Variants in DPP6 observed in about 807,000 individuals in gnomAD.
DPP6 encodes dipeptidyl peptidase like 6, also known as A-type potassium channel modulatory protein DPP6.
In DPP6, 69 loss-of-function variants were observed where a neutral mutation model predicts 122.6. That is an observed-to-expected ratio of 0.56 (90% CI 0.46 to 0.69). DPP6 has a LOEUF of 0.69. Ranked by LOEUF, DPP6 falls within the 30% of genes least tolerant of loss-of-function variation. The pLI is 0.00. For missense variants in DPP6, 928 were observed against 1,116.9 expected (o/e 0.83, Z 2.41); for synonymous variants, 418 against 433.1 (o/e 0.97, Z 0.43).
At chr7:154,126,021 A>T (rs540578219) in intron 1 of DPP6, among the ~76,000 whole-genome samples, 86 of 152,278 alleles carry the variant, frequency 5.6e-4, no homozygotes, top group African/African-American at 1.9e-3. Flanking sequence ...TCAATTCTTG[A>T]TTCCATTCAT....
intron 17 of DPP6, among the ~76,000 whole-genome samples, chr7:154,854,160 C>A (rs1175771923): frequency 6.6e-6 from 1 of 152,322 alleles, no homozygotes; most frequent in Admixed American, 6.5e-5. Context: ...CACTGAGAAC[C>A]TGCCATGTGG....
the DPP6 span, among the ~76,000 whole-genome samples, chr7:153,858,471 C>A: frequency 6.6e-6 from 1 of 152,184 alleles, no homozygotes; most frequent in African/African-American, 2.4e-5. Context: ...TGACTTTCCT[C>A]CTTCCTGTGT....
chr7:154,003,041 A>G (rs1797755097), intron 1 of DPP6, among the ~76,000 whole-genome samples: 1 of 152,166 alleles, frequency 6.6e-6, no homozygotes, highest in South Asian at 2.1e-4. Flanking sequence ...AAAGAGGGCA[A>G]AAGGATGAAG....
At chr7:154,226,828 T>C (rs539898986) in intron 1 of DPP6, among the ~76,000 whole-genome samples, 1 of 152,304 alleles carries the variant, frequency 6.6e-6, no homozygotes, top group African/African-American at 2.4e-5. Flanking sequence ...CAGGTGTCAA[T>C]TGTCAGTAAC....
At chr7:154,619,196 G>A (rs1834471865) in intron 5 of DPP6, among the ~76,000 whole-genome samples, 1 of 152,150 alleles carries the variant, frequency 6.6e-6, no homozygotes. Context: ...TATTAGCAGG[G>A]TGAGAACAGA....
At position 154,853,762 on chromosome 7, in the gene DPP6, A is replaced by G; in HGVS notation, c.1667-18A>G. The G allele has an allele frequency of 1.2e-6, 2 of 1,611,358 alleles. No individual in the cohort carries two copies. Among genetic ancestry groups the G allele is most frequent in the Non-Finnish European group, 1.7e-6 (2 of 1,179,062 alleles). ...CTTCGTTTTTGTTTTCTTCCTGGCT[A>G]TTCTCTACCCAACACAGGTCCTGGT... is the stretch of plus-strand genomic sequence containing the variant. On this transcript the variant is annotated intron_variant, in intron 16 of 25. Coordinates refer to ENST00000377770, the MANE Select transcript of DPP6 (RefSeq NM_130797.4).
intron 1 of DPP6, among the ~76,000 whole-genome samples, chr7:154,353,614 A>G (rs1563532095): frequency 1.3e-5 from 2 of 152,072 alleles, no homozygotes; most frequent in Admixed American, 6.5e-5. Flanking sequence ...CTTTAATGTA[A>G]AAGACAAAAA....
Position 154,652,417 on chromosome 7 carries a change from T to C in DPP6, c.680+14544T>C, listed in dbSNP as rs1836935384. Among the ~76,000 whole-genome samples, 5 of 131,914 alleles carry C rather than the reference T, an allele frequency of 3.8e-5. 1 individual carries two copies. The Admixed American group carries it at 4.0e-4, about 11-fold the overall frequency. 86.5% of individuals were successfully genotyped at this position (131,914 alleles called of 152,430 possible). On this transcript the variant is annotated intron_variant, in intron 6 of 25. Coordinates refer to ENST00000377770, the MANE Select transcript of DPP6 (RefSeq NM_130797.4). ...CACTAAGTCTGTGGTTTTTTTTTTT[T>C]TTTGTGATCAATATACACACTTAGA...
chr7:154,671,862 A>ATGCACCCACACACG (rs1563086955), intron 7 of DPP6, among the ~76,000 whole-genome samples: 2 of 102,846 alleles, frequency 1.9e-5, no homozygotes, highest in African/African-American at 6.8e-5. Flanking sequence ...CAACACACAC[A>ATGCACCCACACACG]TGCACACACA....
intron 18 of DPP6, among the ~76,000 whole-genome samples, chr7:154,869,312 G>A (rs1328704577): frequency 1.3e-5 from 2 of 152,186 alleles, no homozygotes; most frequent in African/African-American, 4.8e-5. Context: ...CAGCTCCCAA[G>A]AGCAGGTACC....
At position 153,958,789 on chromosome 7, in the gene DPP6, G is replaced by A. The variant is rs566911732; in HGVS notation, c.51+71055G>A. ...ATTGCTATTTCTCCCTGAACATCTG[G>A]CCTGTTTCCTGGGGTGTGTAGAGAG... is the stretch of plus-strand genomic sequence containing the variant. On this transcript the variant is annotated intron_variant, in intron 1 of 25. Coordinates refer to the DPP6 transcript ENST00000404039. Among the ~76,000 whole-genome samples the A allele has an allele frequency of 9.9e-5, 15 of 151,914 alleles. No individual in the cohort carries two copies. The East Asian group carries it at 1.2e-3, about 12-fold the overall frequency.
Position 154,635,286 on chromosome 7 carries a change from C to T in DPP6, c.628-2535C>T, listed in dbSNP as rs1835667260. On this transcript the variant is annotated intron_variant, in intron 5 of 25. Transcript: ENST00000377770. ...CATAAATGCCACCCACCCCCACCAC[C>T]CACTTCAGCTCACCACTGTCACCAT... Among the ~76,000 whole-genome samples, 2 of 152,068 alleles carry T rather than the reference C, an allele frequency of 1.3e-5. 1 individual carries two copies. Among genetic ancestry groups the T allele is most frequent in the South Asian group, 4.2e-4 (2 of 4,810 alleles).
intron 1 of DPP6, among the ~76,000 whole-genome samples, chr7:153,995,096 G>A (rs1405771223): frequency 6.6e-6 from 1 of 152,242 alleles, no homozygotes; most frequent in Non-Finnish European, 1.5e-5. Flanking sequence ...AATGACTGGT[G>A]ACATGGAGTC....
chr7:153,764,565 A>G, the DPP6 span, among the ~76,000 whole-genome samples: 1 of 152,098 alleles, frequency 6.6e-6, no homozygotes, highest in East Asian at 1.9e-4. Flanking sequence ...TCTGGATGTG[A>G]CAAATACACA....
intron 7 of DPP6, among the ~76,000 whole-genome samples, chr7:154,681,254 A>G (rs956061697): frequency 6.6e-6 from 1 of 152,196 alleles, no homozygotes; most frequent in Non-Finnish European, 1.5e-5. Context: ...CCTTAATTCA[A>G]TTGCGACTGA....
At chr7:154,031,853 TTTTTTTTG>T (rs1364522813) in intron 1 of DPP6, among the ~76,000 whole-genome samples, 1 of 136,318 alleles carries the variant, frequency 7.3e-6, no homozygotes, top group Non-Finnish European at 1.5e-5. Flanking sequence ...TCTTTTTTCC[TTTTTTTTG>T]TTTTTTTTTT....
intron 20 of DPP6, chr7:154,876,402 G>A (rs945580431): frequency 1.5e-5 from 5 of 327,256 alleles, no homozygotes; most frequent in Admixed American, 1.4e-4. Context: ...TCACTGACCC[G>A]GGCCAGTGTC....
rs114660581 is a variant in DPP6 at position 154,522,315 on chromosome 7, T to C, written c.458-18217T>C. On this transcript the variant is annotated intron_variant, in intron 3 of 25. Transcript: ENST00000377770. ...GATCCTGCAGGAAAATCAGGTGTAG[T>C]GAACCTCCCAGTCAGGTTATCCCGC... Among the ~76,000 whole-genome samples, 272 of 152,276 alleles carry C rather than the reference T, an allele frequency of 1.8e-3. 1 individual carries two copies. The highest frequency in any genetic ancestry group is 6.4e-3 in the African/African-American group (264 of 41,560).
chr7:154,088,661 G>C (rs899174930), intron 1 of DPP6, among the ~76,000 whole-genome samples: 10 of 147,874 alleles, frequency 6.8e-5, no homozygotes, highest in Non-Finnish European at 1.3e-4. Flanking sequence ...GTCACTGGGG[G>C]ATGTGGCCCC....
Sources: allele counts gnomAD v4.1 joint callset (sites outside exome capture counted in the v4.1 genomes callset), GRCh38; gene constraint gnomAD v4.1.1; transcripts MANE v1.5; gene names NCBI Gene and HGNC (gene_info 2026-07-23, HGNC 2026-07-21).